The following CHP1 variants were observed in gnomAD, a reference collection of about 807,000 sequenced individuals.
The protein encoded by CHP1 is calcineurin like EF-hand protein 1.
Under a neutral mutation model 27.4 loss-of-function variants are expected in CHP1, and 11 were observed. That is an observed-to-expected ratio of 0.40 (90% CI 0.25 to 0.67). The LOEUF (loss-of-function observed/expected upper bound fraction) is 0.67. Among genes scored for constraint, CHP1 ranks in the 30% least tolerant of loss-of-function variants. CHP1 has a pLI of 0.38. For synonymous variants in CHP1, 89 were observed against 87.4 expected, an observed-to-expected ratio of 1.02 and a Z score of -0.10; for missense variants, 169 against 251.3, an observed-to-expected ratio of 0.67 and a Z score of 2.22.
intron 3 of CHP1, 45 bp from the exon 4 acceptor site, chr15:41,262,711 C>A: frequency 1.2e-6 from 2 of 1,604,204 alleles, no homozygotes; most frequent in South Asian, 1.1e-5. Flanking sequence ...AAGAAATAAT[C>A]ACCGTGATTG....
chr15:41,255,588 G>A (rs1297463893), intron 2 of CHP1, among the ~76,000 whole-genome samples: 2 of 152,100 alleles, frequency 1.3e-5, no homozygotes, highest in Non-Finnish European at 2.9e-5. Context: ...CAGTAGAATC[G>A]CTTGAACCCG....
At chr15:41,261,219 A>G (rs1287049180) in intron 3 of CHP1, among the ~76,000 whole-genome samples, 1 of 149,782 alleles carries the variant, frequency 6.7e-6, no homozygotes, top group Non-Finnish European at 1.5e-5. Flanking sequence ...CAGTGGTGCA[A>G]TCTAGGCTCA....
intron 1 of CHP1, among the ~76,000 whole-genome samples, chr15:41,241,093 C>T (rs140910944): frequency 7.2e-5 from 11 of 152,260 alleles, no homozygotes; most frequent in African/African-American, 1.7e-4. Flanking sequence ...CCTCAGCATC[C>T]GCCCGCCTTG....
chr15:41,252,383 C>T (rs375294217), intron 2 of CHP1, among the ~76,000 whole-genome samples: 2 of 150,762 alleles, frequency 1.3e-5, no homozygotes, highest in South Asian at 2.1e-4. Flanking sequence ...TGGCCAGGCT[C>T]GTGTCTAACT....
intron 2 of CHP1, among the ~76,000 whole-genome samples, chr15:41,255,297 A>C (rs1258143165): frequency 1.3e-5 from 2 of 152,158 alleles, no homozygotes; most frequent in Non-Finnish European, 2.9e-5. Context: ...ATTTTTGAAG[A>C]CTGCAGCACA....
intron 3 of CHP1, among the ~76,000 whole-genome samples, chr15:41,260,076 C>G (rs915173391): frequency 4.6e-5 from 7 of 152,108 alleles, no homozygotes; most frequent in African/African-American, 4.8e-5. Flanking sequence ...AGCCTTTGAA[C>G]TCTGCCTTTA....
intron 5 of CHP1, among the ~76,000 whole-genome samples, chr15:41,274,726 T>C (rs2047510377): frequency 6.6e-6 from 1 of 151,804 alleles, no homozygotes; most frequent in Non-Finnish European, 1.5e-5. Flanking sequence ...TTCATCTGCT[T>C]GGCAACACAC....
At chr15:41,234,817 T>C (rs1029098877) in intron 1 of CHP1, among the ~76,000 whole-genome samples, 4 of 152,198 alleles carry the variant, frequency 2.6e-5, no homozygotes, top group Admixed American at 6.5e-5. Flanking sequence ...TTAACAATCG[T>C]CTTATTGGGA....
At position 41,270,970 on chromosome 15, in the gene CHP1, C is replaced by T. The variant is rs569322301; in HGVS notation, c.411+352C>T. Among the ~76,000 whole-genome samples the T allele has an allele frequency of 5.3e-5, 8 of 152,096 alleles. No individual in the cohort carries two copies. The East Asian group carries it at 7.8e-4, about 15-fold the overall frequency. Reference sequence around the variant, plus strand: ...TTCTAGTAAAAATACAAAAATTAGCCATCGGCCGGGCGCTTTGGCTCACAC... The same window carrying T: ...TTCTAGTAAAAATACAAAAATTAGCTATCGGCCGGGCGCTTTGGCTCACAC... On this transcript the variant is annotated intron_variant, in intron 5 of 6. Coordinates refer to ENST00000334660, the MANE Select transcript of CHP1 (RefSeq NM_007236.5).
intron 1 of CHP1, among the ~76,000 whole-genome samples, chr15:41,232,972 C>G (rs2047259875): frequency 6.6e-6 from 1 of 152,168 alleles, no homozygotes; most frequent in Non-Finnish European, 1.5e-5. Context: ...AAATATGGCC[C>G]TTAAGCCTCT....
chr15:41,256,907 C>T lies in CHP1; in HGVS notation c.141-3C>T. 1.2e-6 allele frequency: 2 copies of T among 1,613,848 alleles called. No homozygotes were observed. The highest frequency in any genetic ancestry group is 1.7e-6 in the Non-Finnish European group (2 of 1,179,714). ...ATCTAACTCAAGGTGATTCTCTTGG[C>T]AGCCGGGAAGATTTCCAGAGGATTC... On this transcript the variant is annotated splice_region_variant and splice_polypyrimidine_tract_variant and intron_variant, in intron 2 of 6. Coordinates refer to ENST00000334660, the MANE Select transcript of CHP1 (RefSeq NM_007236.5).
chr15:41,246,303 G>A (rs992618981), intron 2 of CHP1, among the ~76,000 whole-genome samples: 1 of 145,838 alleles, frequency 6.9e-6, no homozygotes, highest in African/African-American at 2.5e-5. Flanking sequence ...TAATCGAAAA[G>A]TTTTTTTTTT....
chr15:41,249,018 T>C (rs1361275547), intron 2 of CHP1, among the ~76,000 whole-genome samples: 1 of 152,144 alleles, frequency 6.6e-6, no homozygotes, highest in African/African-American at 2.4e-5. Flanking sequence ...TGAGTTGGCC[T>C]AACTGGGAAC....
rs1375619808 is a variant in CHP1, at chr15:41,280,008, G to A, written c.*619G>A. ...TCATTATTAAATGGGCCTCTGGGATGTTGCCTCTTCAGGAGCTTTTTGGTA... is the reference window on the plus strand; with the variant it reads ...TCATTATTAAATGGGCCTCTGGGATATTGCCTCTTCAGGAGCTTTTTGGTA... On this transcript the variant is annotated 3_prime_UTR_variant, in exon 7 of 7. Coordinates refer to ENST00000334660, the MANE Select transcript of CHP1 (RefSeq NM_007236.5). The A allele has an allele frequency of 6.6e-6, 1 of 152,408 alleles. No homozygotes were observed. Among genetic ancestry groups the A allele is most frequent in the African/African-American group, 2.4e-5 (1 of 41,448 alleles). The allele number at this position is 152,408 out of a possible 1,614,324, so 9.4% of individuals were successfully genotyped here. A position where few individuals can be genotyped will look rare whatever the true frequency, so the allele number is the denominator to read the frequency against.
intron 2 of CHP1, among the ~76,000 whole-genome samples, chr15:41,250,207 G>T (rs1296095066): frequency 6.6e-6 from 1 of 152,030 alleles, no homozygotes; most frequent in Non-Finnish European, 1.5e-5. Flanking sequence ...TTACCTGGGT[G>T]AATTGGGAAC....
chr15:41,269,666 A>G (rs1304400927), intron 4 of CHP1, among the ~76,000 whole-genome samples: 1 of 152,138 alleles, frequency 6.6e-6, no homozygotes, highest in African/African-American at 2.4e-5. Flanking sequence ...TGAGTTCCTA[A>G]GGACAGAGTC....
At chr15:41,268,980 A>G (rs150142395) in intron 4 of CHP1, among the ~76,000 whole-genome samples, 562 of 151,938 alleles carry the variant, frequency 3.7e-3, no homozygotes, top group African/African-American at 8.6e-3. Context: ...ACAAAAAACA[A>G]TTTATCTAGA....
intron 2 of CHP1, among the ~76,000 whole-genome samples, chr15:41,245,637 T>C (rs1204072680): frequency 6.6e-6 from 1 of 152,200 alleles, no homozygotes; most frequent in African/African-American, 2.4e-5. Context: ...TAGTAAACAT[T>C]TGAGTTTACA....
At chr15:41,264,977 T>C (rs1328328875) in intron 4 of CHP1, among the ~76,000 whole-genome samples, 1 of 152,208 alleles carries the variant, frequency 6.6e-6, no homozygotes, top group Non-Finnish European at 1.5e-5. Flanking sequence ...CTGTATAAGC[T>C]GTAGCATGGT....
Sources: allele counts gnomAD v4.1 joint callset (sites outside exome capture counted in the v4.1 genomes callset), GRCh38; gene constraint gnomAD v4.1.1; transcripts MANE v1.5; gene names NCBI Gene and HGNC (gene_info 2026-07-23, HGNC 2026-07-21).